The following KIAA0513 variants were observed in gnomAD, a reference collection of about 807,000 sequenced individuals.
The protein encoded by KIAA0513 is uncharacterized protein KIAA0513.
KIAA0513 carries 39 observed loss-of-function variants against 56.5 expected under a neutral mutation model. The ratio of observed to expected loss-of-function variants is 0.69; its 90% CI spans 0.53 to 0.90. KIAA0513 has a LOEUF of 0.90. KIAA0513 is among the 40% of genes least tolerant of loss of function. The pLI is 0.00. For missense variants in KIAA0513, 591 were observed against 535.2 expected, an observed-to-expected ratio of 1.10 and a Z score of -1.03; for synonymous variants, 268 against 215.6, an observed-to-expected ratio of 1.24 and a Z score of -2.13.
At chr16:85,068,876 G>T (rs945516185) in intron 2 of KIAA0513, among the ~76,000 whole-genome samples, 1 of 152,144 alleles carries the variant, frequency 6.6e-6, no homozygotes, top group African/African-American at 2.4e-5. Context: ...TGTTCTGCTT[G>T]TGGGACCATC....
At position 85,087,053 on chromosome 16, in the gene KIAA0513, C is replaced by T. The variant is rs376153066; in HGVS notation, c.1092-19C>T. 72 of 1,612,994 alleles carry T rather than the reference C, an allele frequency of 4.5e-5. No homozygotes were observed. The African/African-American group carries it at 4.7e-4, about 10-fold the overall frequency. On this transcript the variant is annotated intron_variant, in intron 11 of 12. Coordinates refer to ENST00000683363, the MANE Select transcript of KIAA0513 (RefSeq NM_001388359.1). ...CCCTGGGAGGCCAGCGGGTGACGCT[C>T]TTGGGGTTTCTCCTGCAGCACATTC...
At chr16:85,078,327 C>A (rs1216213517) in intron 6 of KIAA0513, 88 bp from the exon 7 acceptor site, 4 of 1,423,722 alleles carry the variant, frequency 2.8e-6, no homozygotes, top group South Asian at 2.3e-5. Context: ...TGTACCCAGT[C>A]CCACCTTAGA....
chr16:85,047,426 C>T (rs1352812557), intron 1 of KIAA0513, among the ~76,000 whole-genome samples: 2 of 152,204 alleles, frequency 1.3e-5, no homozygotes, highest in African/African-American at 4.8e-5. Flanking sequence ...GGAGGCAGGG[C>T]TTCAGTTATC....
chr16:85,048,337 C>T (rs903139834), intron 1 of KIAA0513, among the ~76,000 whole-genome samples: 5 of 152,244 alleles, frequency 3.3e-5, no homozygotes, highest in South Asian at 2.1e-4. Flanking sequence ...AGAAAGGTAT[C>T]GATGGAGACA....
At chr16:85,054,320 G>C (rs2073296968) in intron 1 of KIAA0513, among the ~76,000 whole-genome samples, 3 of 151,776 alleles carry the variant, frequency 2.0e-5, no homozygotes, top group Admixed American at 6.6e-5. Context: ...AAAATAAATT[G>C]GTTAAAATAC....
chr16:85,045,778 C>T (rs2073162911), intron 1 of KIAA0513, among the ~76,000 whole-genome samples: 1 of 152,214 alleles, frequency 6.6e-6, no homozygotes, highest in African/African-American at 2.4e-5. Flanking sequence ...TTGGCCTCTG[C>T]TCCAGCCTGT....
At position 85,071,764 on chromosome 16, in the gene KIAA0513, TC is replaced by T; in HGVS notation, c.330-18del. ...AGGGTTTTTTTTTTTTTTCCTCTGC[TC>T]TTTTTTTTTTTTTTTAGGGAGGACT... On this transcript the variant is annotated intron_variant, in intron 2 of 12. Transcript: ENST00000683363. 5.5e-6 allele frequency: 8 copies of T among 1,446,812 alleles called. No homozygotes were observed. Among genetic ancestry groups the T allele is most frequent in the Admixed American group, 2.1e-5 (1 of 46,898 alleles). 89.6% of individuals were successfully genotyped at this position (1,446,812 alleles called of 1,614,324 possible).
intron 8 of KIAA0513, among the ~76,000 whole-genome samples, chr16:85,080,316 A>T (rs758909214): frequency 7.9e-5 from 12 of 152,140 alleles, no homozygotes; most frequent in Non-Finnish European, 1.8e-4. Flanking sequence ...AATATGTTAG[A>T]CTTTGCGGGC....
chr16:85,060,914 G>C (rs1164023976), intron 1 of KIAA0513, among the ~76,000 whole-genome samples: 10 of 151,820 alleles, frequency 6.6e-5, no homozygotes, highest in Non-Finnish European at 2.9e-5. Context: ...AGCACTTTGG[G>C]AGTCAGAGGT....
chr16:85,038,707 C>CAAAAAAAAAAAA (rs769470751), intron 1 of KIAA0513, among the ~76,000 whole-genome samples: 2 of 71,260 alleles, frequency 2.8e-5, no homozygotes, highest in African/African-American at 5.7e-5. Flanking sequence ...GACTCAGCCT[C>CAAAAAAAAAAAA]AAAAAAAAAA....
intron 1 of KIAA0513, among the ~76,000 whole-genome samples, chr16:85,041,816 G>A (rs946601815): frequency 1.3e-5 from 2 of 152,142 alleles, no homozygotes; most frequent in Non-Finnish European, 2.9e-5. Flanking sequence ...TGGAAAATGG[G>A]GGTTCTGGAC....
intron 1 of KIAA0513, among the ~76,000 whole-genome samples, chr16:85,039,013 C>CT (rs2073071980): frequency 2.0e-5 from 3 of 152,080 alleles, no homozygotes; most frequent in African/African-American, 4.8e-5. Flanking sequence ...TTTTTGTTTG[C>CT]TTTTTTTGCT....
rs1230517408 is a variant in KIAA0513 at position 85,067,100 on chromosome 16, C to T, written c.29C>T (p.Ser10Leu). The T allele has an allele frequency of 3.7e-6, 6 of 1,600,202 alleles. No homozygotes were observed. The highest frequency in any genetic ancestry group is 2.2e-5 in the East Asian group (1 of 44,704). The change falls in exon 2 of 13, where the codon TCG becomes TTG. Residue 10 changes from serine to leucine, a missense_variant. Ser to Leu is a moderately radical substitution (Grantham distance 145, BLOSUM62 -2). Coordinates refer to ENST00000683363, the MANE Select transcript of KIAA0513 (RefSeq NM_001388359.1). ...GAGACCCCAGAGGTCCCCGTGGGCT[C>T]GCTAATCGACTTTGGGCCTGAGGCA... METPEVPVG[S>L]LIDFGPEAPT...
intron 4 of KIAA0513, among the ~76,000 whole-genome samples, chr16:85,074,547 T>C (rs1363101497): frequency 6.6e-6 from 1 of 152,158 alleles, no homozygotes; most frequent in Non-Finnish European, 1.5e-5. Flanking sequence ...TCTTTGAACT[T>C]GGGCATATAC....
intron 1 of KIAA0513, among the ~76,000 whole-genome samples, chr16:85,060,344 A>T (rs1325022565): frequency 6.6e-6 from 1 of 152,090 alleles, no homozygotes; most frequent in Admixed American, 6.6e-5. Context: ...GGAGTTGGCA[A>T]ACTAGGTACT....
intron 7 of KIAA0513, 27 bp from the exon 8 acceptor site, chr16:85,078,898 T>G (rs370915555): frequency 6.2e-7 from 1 of 1,613,920 alleles, no homozygotes. Flanking sequence ...CCAGAGCTGC[T>G]TTCAGCCATT....
intron 10 of KIAA0513, among the ~76,000 whole-genome samples, chr16:85,085,584 G>A (rs2073798899): frequency 6.6e-6 from 1 of 152,246 alleles, no homozygotes; most frequent in African/African-American, 2.4e-5. Flanking sequence ...TCTGCAGGTA[G>A]CTTCTCAGAT....
chr16:85,044,334 G>A (rs1008039349), intron 1 of KIAA0513, among the ~76,000 whole-genome samples: 6 of 152,008 alleles, frequency 3.9e-5, no homozygotes, highest in African/African-American at 1.5e-4. Flanking sequence ...TGTCATCTAG[G>A]GCAGGTCACA....
chr16:85,043,526 C>T (rs1400484079), intron 1 of KIAA0513, among the ~76,000 whole-genome samples: 1 of 151,244 alleles, frequency 6.6e-6, no homozygotes, highest in African/African-American at 2.4e-5. Context: ...ATTCTCATGC[C>T]ACAGCCTCTT....
Sources: allele counts gnomAD v4.1 joint callset (sites outside exome capture counted in the v4.1 genomes callset), GRCh38; gene constraint gnomAD v4.1.1; transcripts MANE v1.5; gene names NCBI Gene and HGNC (gene_info 2026-07-23, HGNC 2026-07-21).